Variants in TENM2 observed in about 807,000 individuals in gnomAD.
TENM2 encodes the protein teneurin transmembrane protein 2.
In TENM2, 52 loss-of-function variants were observed where a neutral mutation model predicts 245.2. The ratio of observed to expected loss-of-function variants is 0.21; its 90% CI spans 0.17 to 0.27. TENM2 has a LOEUF of 0.27. Ranked by LOEUF, TENM2 falls within the 10% of genes least tolerant of loss-of-function variation. The pLI is 1.00. For missense variants in TENM2, 3,046 were observed against 3,666.8 expected, an observed-to-expected ratio of 0.83 and a Z score of 4.37; for synonymous variants, 1,363 against 1,438.9, an observed-to-expected ratio of 0.95 and a Z score of 1.19.
chr5:167,797,682 A>T (rs1189857708), intron 2 of TENM2, among the ~76,000 whole-genome samples: 1 of 152,232 alleles, frequency 6.6e-6, no homozygotes, highest in Non-Finnish European at 1.5e-5. Context: ...GTCATTACAG[A>T]TCTGAAGGTT....
intron 2 of TENM2, among the ~76,000 whole-genome samples, chr5:167,819,310 G>A (rs1767317748): frequency 1.3e-5 from 2 of 152,284 alleles, no homozygotes; most frequent in South Asian, 4.2e-4. Context: ...GTTGGACAAA[G>A]TCATTGGAAG....
chr5:167,918,267 T>C (rs32403), intron 3 of TENM2, among the ~76,000 whole-genome samples: 32,228 of 152,076 alleles, frequency 0.21, 3,771 homozygotes, highest in East Asian at 0.44. Flanking sequence ...AGCTCTGAGA[T>C]GTGTATTGAG....
chr5:167,278,673 G>C, the TENM2 span, among the ~76,000 whole-genome samples: 2 of 152,016 alleles, frequency 1.3e-5, no homozygotes, highest in Non-Finnish European at 2.9e-5. Flanking sequence ...TTACTAGTTT[G>C]AATAAAGTGT....
chr5:168,034,041 A>G (rs199941420), intron 5 of TENM2, among the ~76,000 whole-genome samples: 24 of 136,338 alleles, frequency 1.8e-4, no homozygotes, highest in South Asian at 7.5e-4. Flanking sequence ...ATATATATAT[A>G]TGTGTGTGTA....
intron 7 of TENM2, among the ~76,000 whole-genome samples, chr5:168,081,677 T>C (rs955420839): frequency 1.0e-4 from 15 of 150,268 alleles, no homozygotes; most frequent in Non-Finnish European, 2.1e-4. Flanking sequence ...TTTTATTTCT[T>C]CTTCACTTAT....
chr5:167,805,050 C>T (rs1391585120), intron 2 of TENM2, among the ~76,000 whole-genome samples: 2 of 152,100 alleles, frequency 1.3e-5, no homozygotes, highest in African/African-American at 4.8e-5. Context: ...GTTCACCAGG[C>T]ATCTGTGGTA....
chr5:167,850,885 T>C (rs984258561), intron 2 of TENM2, among the ~76,000 whole-genome samples: 2 of 152,180 alleles, frequency 1.3e-5, no homozygotes, highest in Non-Finnish European at 2.9e-5. Context: ...TTGTGTGACA[T>C]AGATAAGGTT....
chr5:167,727,861 T>C (rs552718249), intron 2 of TENM2, among the ~76,000 whole-genome samples: 1 of 152,354 alleles, frequency 6.6e-6, no homozygotes, highest in African/African-American at 2.4e-5. Flanking sequence ...CTTTCCTTTA[T>C]ATTGTGCTAC....
At chr5:167,604,770 G>C (rs1439566844) in intron 2 of TENM2, among the ~76,000 whole-genome samples, 1 of 152,174 alleles carries the variant, frequency 6.6e-6, no homozygotes, top group African/African-American at 2.4e-5. Flanking sequence ...GCAAACCTAG[G>C]ATCAGGCATC....
intron 2 of TENM2, among the ~76,000 whole-genome samples, chr5:167,704,009 T>A (rs1350585789): frequency 6.6e-6 from 1 of 152,146 alleles, no homozygotes; most frequent in Non-Finnish European, 1.5e-5. Flanking sequence ...GCTTTTGTCT[T>A]AATAAGAGAA....
intron 2 of TENM2, among the ~76,000 whole-genome samples, chr5:167,401,778 A>G (rs1350709264): frequency 6.6e-6 from 1 of 152,200 alleles, no homozygotes; most frequent in Non-Finnish European, 1.5e-5. Context: ...GAGAAATAGC[A>G]TAAAACTCAC....
Position 168,244,817 on chromosome 5 carries a change from T to C in TENM2, c.5817+101T>C. The C allele has an allele frequency of 1.0e-6, 1 of 988,128 alleles. No homozygotes were observed. Among genetic ancestry groups the C allele is most frequent in the Non-Finnish European group, 1.3e-6 (1 of 743,690 alleles). The allele number at this position is 988,128 out of a possible 1,614,324, so 61.2% of individuals were successfully genotyped here. ...CAGAGACTTGCTCTGTTGCCCAGGC[T>C]GGAGTGCAGTGGCATGATCTCGGCT... On this transcript the variant is annotated intron_variant, in intron 26 of 28. Coordinates refer to ENST00000518659, the Ensembl canonical transcript of TENM2. The surrounding 1 kb of genome is among the most constrained non-coding windows in gnomAD (Gnocchi z 4.9).
chr5:167,431,432 A>G (rs1343783267), intron 2 of TENM2, among the ~76,000 whole-genome samples: 2 of 152,192 alleles, frequency 1.3e-5, no homozygotes, highest in Non-Finnish European at 2.9e-5. Context: ...GGGGAAAAAC[A>G]TTAAAAATCT....
At chr5:167,074,423 T>A in the TENM2 span, among the ~76,000 whole-genome samples, 1 of 152,136 alleles carries the variant, frequency 6.6e-6, no homozygotes, top group South Asian at 2.1e-4. Flanking sequence ...AACACTCTCA[T>A]GATGGAGGTG....
chr5:167,695,736 A>C (rs553098460), intron 2 of TENM2, among the ~76,000 whole-genome samples: 27 of 151,802 alleles, frequency 1.8e-4, no homozygotes, highest in East Asian at 4.0e-4. Flanking sequence ...TAAAAAAAAA[A>C]AAAACAAAAC....
At chr5:167,419,103 A>G (rs1763335969) in intron 2 of TENM2, among the ~76,000 whole-genome samples, 1 of 148,094 alleles carries the variant, frequency 6.8e-6, no homozygotes, top group Non-Finnish European at 1.5e-5. Context: ...GTATATACAC[A>G]CACACATGAA....
intron 2 of TENM2, among the ~76,000 whole-genome samples, chr5:167,818,894 G>A (rs1767280710): frequency 6.6e-6 from 1 of 152,122 alleles, no homozygotes; most frequent in African/African-American, 2.4e-5. Flanking sequence ...TCCAGATGTG[G>A]CCAGGGCCTC....
chr5:168,135,989 C>T (rs904505198), intron 12 of TENM2, among the ~76,000 whole-genome samples: 2 of 152,144 alleles, frequency 1.3e-5, no homozygotes, highest in Admixed American at 6.5e-5. Context: ...TTCCATAGTC[C>T]ATGGTGGCAT....
chr5:168,219,108 T>A, intron 23 of TENM2, 109 bp downstream of exon 25: 1 of 1,142,444 alleles, frequency 8.8e-7, no homozygotes, highest in Non-Finnish European at 1.2e-6. Context: ...GTTGTCTTTC[T>A]AACTTTAATG....
Sources: allele counts gnomAD v4.1 joint callset (sites outside exome capture counted in the v4.1 genomes callset), GRCh38; gene constraint gnomAD v4.1.1; non-coding constraint Gnocchi (gnomAD v3.1); transcripts MANE v1.5; gene names NCBI Gene and HGNC (gene_info 2026-07-23, HGNC 2026-07-21).